Variants in AKAP19 observed in about 807,000 individuals in gnomAD.
AKAP19 encodes the protein small A-kinase anchoring protein.
the AKAP19 span, among the ~76,000 whole-genome samples, chr2:190,035,460 C>T: frequency 6.6e-6 from 1 of 151,984 alleles, no homozygotes; most frequent in African/African-American, 2.4e-5. Context: ...CTTCGAGATA[C>T]AGACTACTTT....
At chr2:190,001,152 TTTTA>T in the AKAP19 span, among the ~76,000 whole-genome samples, 2 of 152,232 alleles carry the variant, frequency 1.3e-5, no homozygotes, top group African/African-American at 2.4e-5. Flanking sequence ...ACTCTAACAT[TTTTA>T]TTTGTTTTTT....
At chr2:189,906,065 T>G in the AKAP19 span, among the ~76,000 whole-genome samples, 1 of 152,044 alleles carries the variant, frequency 6.6e-6, no homozygotes, top group Non-Finnish European at 1.5e-5. Flanking sequence ...TTAAACAGAT[T>G]TACCAAGCAT....
At chr2:190,097,729 G>T in the AKAP19 span, among the ~76,000 whole-genome samples, 1 of 151,758 alleles carries the variant, frequency 6.6e-6, no homozygotes, top group Non-Finnish European at 1.5e-5. Context: ...TCATTCATAA[G>T]GGGCAAGTCC....
At chr2:190,089,108 C>G in the AKAP19 span, among the ~76,000 whole-genome samples, 1 of 152,148 alleles carries the variant, frequency 6.6e-6, no homozygotes, top group Non-Finnish European at 1.5e-5. Flanking sequence ...GTGCAAATCA[C>G]AGTTACCCTT....
the AKAP19 span, among the ~76,000 whole-genome samples, chr2:189,984,040 G>A: frequency 1.3e-5 from 2 of 152,086 alleles, no homozygotes; most frequent in African/African-American, 4.8e-5. Context: ...AATATCACAA[G>A]GCAAGTGGAG....
chr2:190,124,065 T>C, the AKAP19 span, among the ~76,000 whole-genome samples: 178 of 152,316 alleles, frequency 1.2e-3, 1 homozygote, highest in African/African-American at 4.1e-3. Context: ...CTGAGAGTTA[T>C]ATGATCGGCT....
the AKAP19 span, among the ~76,000 whole-genome samples, chr2:189,986,206 A>G: frequency 6.6e-6 from 1 of 152,134 alleles, no homozygotes; most frequent in Non-Finnish European, 1.5e-5. Context: ...GTGTGGCCAT[A>G]TCTAAAGTTC....
the AKAP19 span, among the ~76,000 whole-genome samples, chr2:190,071,332 T>C: frequency 1.3e-5 from 2 of 152,212 alleles, no homozygotes; most frequent in East Asian, 3.8e-4. Context: ...CACACACTTG[T>C]AGTTCTAGCT....
chr2:190,038,871 G>T, the AKAP19 span, among the ~76,000 whole-genome samples: 1 of 89,418 alleles, frequency 1.1e-5, no homozygotes, highest in African/African-American at 3.8e-5. Context: ...TATTTGTAGA[G>T]TCCTCCCTCT....
chr2:189,908,384 A>G, the AKAP19 span, among the ~76,000 whole-genome samples: 1 of 151,970 alleles, frequency 6.6e-6, no homozygotes, highest in Non-Finnish European at 1.5e-5. Context: ...TTTAGTAGAG[A>G]TGGGGTTTCA....
chr2:190,062,812 C>T, the AKAP19 span: 1 of 519,142 alleles, frequency 1.9e-6, no homozygotes, highest in Non-Finnish European at 3.4e-6. Flanking sequence ...GCTCTTGCTC[C>T]ACAATGAATC....
chr2:190,021,590 G>A, the AKAP19 span, among the ~76,000 whole-genome samples: 24 of 152,338 alleles, frequency 1.6e-4, no homozygotes, highest in Non-Finnish European at 3.4e-4. Context: ...CAGAATCTAA[G>A]CTTTTGAGCT....
chr2:190,041,089 T>C, the AKAP19 span, among the ~76,000 whole-genome samples: 8 of 152,208 alleles, frequency 5.3e-5, no homozygotes, highest in African/African-American at 1.7e-4. Flanking sequence ...GGAAGTAGCA[T>C]TGAATTTGTA....
the AKAP19 span, among the ~76,000 whole-genome samples, chr2:190,144,715 G>T: frequency 6.6e-6 from 1 of 150,864 alleles, no homozygotes; most frequent in Non-Finnish European, 1.5e-5. Flanking sequence ...GGTGGCTCAC[G>T]CCTGTAATCC....
the AKAP19 span, among the ~76,000 whole-genome samples, chr2:189,884,767 T>G: frequency 1.3e-5 from 2 of 152,240 alleles, no homozygotes; most frequent in Admixed American, 1.3e-4. Flanking sequence ...AATGTGCATA[T>G]GAATCTCTCT....
At chr2:189,898,812 T>C in the AKAP19 span, among the ~76,000 whole-genome samples, 1 of 152,236 alleles carries the variant, frequency 6.6e-6, no homozygotes, top group Non-Finnish European at 1.5e-5. Context: ...TACCCAGGTC[T>C]TGTCTATATC....
At chr2:189,911,327 C>T in the AKAP19 span, among the ~76,000 whole-genome samples, 1 of 151,970 alleles carries the variant, frequency 6.6e-6, no homozygotes, top group Non-Finnish European at 1.5e-5. Flanking sequence ...GGATGTATGT[C>T]AGTTTTTGAA....
At chr2:189,993,206 C>T in the AKAP19 span, among the ~76,000 whole-genome samples, 1 of 152,098 alleles carries the variant, frequency 6.6e-6, no homozygotes, top group Non-Finnish European at 1.5e-5. Context: ...GCGGATTTTG[C>T]TGAGGGTTTT....
the AKAP19 span, among the ~76,000 whole-genome samples, chr2:190,039,753 T>G: frequency 6.6e-6 from 1 of 152,110 alleles, no homozygotes; most frequent in African/African-American, 2.4e-5. Context: ...GCTCCCACTT[T>G]AAAGTGAGAA....
Sources: allele counts gnomAD v4.1 joint callset (sites outside exome capture counted in the v4.1 genomes callset), GRCh38; gene constraint gnomAD v4.1.1; transcripts MANE v1.5; gene names NCBI Gene and HGNC (gene_info 2026-07-23, HGNC 2026-07-21).